SCMH1: variants seen among roughly 807,000 people sequenced by gnomAD.
SCMH1 encodes the protein Scm polycomb group protein homolog 1, also known as polycomb protein SCMH1.
In SCMH1, 37 loss-of-function variants were observed where a neutral mutation model predicts 70.8. That is an observed-to-expected ratio of 0.52 (90% CI 0.40 to 0.69). The LOEUF is 0.69. SCMH1 is among the 30% of genes least tolerant of loss of function. SCMH1 has a pLI of 0.00. For missense variants in SCMH1, 607 were observed against 827.3 expected (o/e 0.73, Z 3.27); for synonymous variants, 292 against 307.4 (o/e 0.95, Z 0.52).
At chr1:41,083,181 A>C (rs1186267820) in intron 8 of SCMH1, among the ~76,000 whole-genome samples, 1 of 152,214 alleles carries the variant, frequency 6.6e-6, no homozygotes, top group Non-Finnish European at 1.5e-5. Flanking sequence ...GAGGAAGTCA[A>C]ATTGTCCCTG....
chr1:41,102,310 G>T (rs1666831332), intron 8 of SCMH1, among the ~76,000 whole-genome samples: 1 of 152,170 alleles, frequency 6.6e-6, no homozygotes, highest in Non-Finnish European at 1.5e-5. Context: ...TGTATCATTG[G>T]CCTTGGTATA....
intron 10 of SCMH1, among the ~76,000 whole-genome samples, chr1:41,054,068 TCTC>T (rs1178487703): frequency 1.3e-5 from 2 of 151,952 alleles, no homozygotes; most frequent in Non-Finnish European, 2.9e-5. Flanking sequence ...ATGGTCTCGA[TCTC>T]CTGACCTCAT....
chr1:41,058,157 G>T (rs1431188614), intron 10 of SCMH1, among the ~76,000 whole-genome samples: 1 of 150,178 alleles, frequency 6.7e-6, no homozygotes, highest in African/African-American at 2.4e-5. Context: ...AAAATGAAAT[G>T]AATGCCTTTC....
chr1:41,084,099 T>C (rs1223550426), intron 8 of SCMH1, among the ~76,000 whole-genome samples: 4 of 152,062 alleles, frequency 2.6e-5, no homozygotes, highest in African/African-American at 4.8e-5. Flanking sequence ...CCAAAAGCAA[T>C]GGCAACAAAA....
At chr1:41,172,639 C>CA (rs1646863702) in intron 2 of SCMH1, among the ~76,000 whole-genome samples, 1 of 151,578 alleles carries the variant, frequency 6.6e-6, no homozygotes, top group Admixed American at 6.6e-5. Flanking sequence ...CAAACCTGAG[C>CA]AAAAAAGAAC....
Position 41,178,334 on chromosome 1 carries a change from C to T in SCMH1, c.13+7787G>A, listed in dbSNP as rs200179316. 9.4e-4 allele frequency among the ~76,000 whole-genome samples: 143 copies of T among 152,228 alleles called. 1 individual carries two copies. In the East Asian group the frequency reaches 0.016, roughly 17 times the overall value. On this transcript the variant is annotated intron_variant, in intron 2 of 14. Coordinates refer to ENST00000337495, the Ensembl canonical transcript of SCMH1. Reference sequence around the variant, plus strand: ...GCTAGGAAGAAACTGCATCAACTAACGAGCAAAATAACCAGCTAACATCAT... The same window carrying T: ...GCTAGGAAGAAACTGCATCAACTAATGAGCAAAATAACCAGCTAACATCAT...
chr1:41,092,822 G>C (rs1426381887), intron 8 of SCMH1, among the ~76,000 whole-genome samples: 1 of 152,106 alleles, frequency 6.6e-6, no homozygotes, highest in Non-Finnish European at 1.5e-5. Context: ...ACCACAATGA[G>C]ATACCATCTC....
At chr1:41,186,740 C>T (rs927317255) in intron 1 of SCMH1, among the ~76,000 whole-genome samples, 1 of 152,114 alleles carries the variant, frequency 6.6e-6, no homozygotes, top group Non-Finnish European at 1.5e-5. Context: ...AAGGATGAGA[C>T]ATGAGAGATA....
chr1:41,173,625 G>A (rs1236265516), intron 2 of SCMH1, among the ~76,000 whole-genome samples: 1 of 152,098 alleles, frequency 6.6e-6, no homozygotes, highest in East Asian at 1.9e-4. Flanking sequence ...TATATCCATA[G>A]GAAAGGAAAT....
chr1:41,147,388 T>C (rs1343472716), intron 5 of SCMH1, among the ~76,000 whole-genome samples: 1 of 152,210 alleles, frequency 6.6e-6, no homozygotes, highest in Non-Finnish European at 1.5e-5. Flanking sequence ...TGTAGACTAT[T>C]AATAAATGCC....
At chr1:41,167,948 T>C (rs1646523793) in intron 2 of SCMH1, among the ~76,000 whole-genome samples, 1 of 149,292 alleles carries the variant, frequency 6.7e-6, no homozygotes, top group Non-Finnish European at 1.5e-5. Context: ...GTTTTGAATG[T>C]ATCATCCTAC....
In SCMH1 at chr1:41,168,128, T is replaced by C. The variant is rs1036866146; in HGVS notation, c.14-6696A>G. 4.0e-5 allele frequency among the ~76,000 whole-genome samples: 6 copies of C among 151,588 alleles called. No individual in the cohort carries two copies. In the East Asian group the frequency reaches 5.8e-4, roughly 15 times the overall value. ...TTTTCGGGTTCATCTTATTTGGTGT[T>C]CTTTGGGCTTCCTGGATTTGGCTTT... is the stretch of plus-strand genomic sequence containing the variant. On this transcript the variant is annotated intron_variant, in intron 2 of 14. Transcript: ENST00000337495.
At chr1:41,178,998 C>T (rs1051378359) in intron 2 of SCMH1, among the ~76,000 whole-genome samples, 17 of 152,310 alleles carry the variant, frequency 1.1e-4, no homozygotes, top group African/African-American at 3.6e-4. Flanking sequence ...AAGCACTCCT[C>T]AGCAAATGTA....
At chr1:41,035,801 T>C (rs796234293) in intron 13 of SCMH1, among the ~76,000 whole-genome samples, 17 of 152,256 alleles carry the variant, frequency 1.1e-4, no homozygotes, top group African/African-American at 3.8e-4. Flanking sequence ...CAGCCTTTTT[T>C]TTCTCATCAA....
At chr1:41,135,587 A>AT (rs774055068) in intron 6 of SCMH1, among the ~76,000 whole-genome samples, 8 of 152,202 alleles carry the variant, frequency 5.3e-5, no homozygotes, top group Non-Finnish European at 1.2e-4. Flanking sequence ...CTGTGAGTCA[A>AT]TTAAACCTCT....
At chr1:41,138,352 G>A (rs1643688351) in intron 6 of SCMH1, among the ~76,000 whole-genome samples, 1 of 152,082 alleles carries the variant, frequency 6.6e-6, no homozygotes, top group Non-Finnish European at 1.5e-5. Flanking sequence ...TCTTATTTAA[G>A]TGTTAATTCT....
rs573213459 is a variant in SCMH1, at chr1:41,230,210, G to A, written c.-118+11849C>T. Among the ~76,000 whole-genome samples the A allele has an allele frequency of 4.6e-5, 7 of 152,178 alleles. No individual in the cohort carries two copies. The South Asian group carries it at 1.2e-3, about 27-fold the overall frequency. ...GGATAGGGTACAAAAGTAGACACAC[G>A]AAAGCCATATAGGGGGTTGATATAA... is the stretch of plus-strand genomic sequence containing the variant. On this transcript the variant is annotated intron_variant, in intron 1 of 14. Transcript: ENST00000337495.
At position 41,046,398 on chromosome 1, in the gene SCMH1, AG is replaced by A. The variant is rs755760350; in HGVS notation, c.1498+8del. 32 of 1,612,902 alleles carry A rather than the reference AG, an allele frequency of 2.0e-5. 1 individual carries two copies. In the South Asian group the frequency reaches 3.0e-4, roughly 15 times the overall value. ...CCACTCTCAGCCCAGGCCCCATCCC[AG>A]CTCCTACCTGGTAGGTACCTGTCGT... On this transcript the variant is annotated splice_region_variant and intron_variant, in intron 12 of 14. Transcript: ENST00000337495.
At chr1:41,072,915 T>TGGAA (rs2148890033) in intron 9 of SCMH1, among the ~76,000 whole-genome samples, 1 of 152,116 alleles carries the variant, frequency 6.6e-6, no homozygotes, top group South Asian at 2.1e-4. Context: ...ACAGGTGAAG[T>TGGAA]GGAAGGCATA....
Sources: gnomAD v4.1 joint callset for allele counts (sites outside exome capture counted in the v4.1 genomes callset) on GRCh38, gnomAD v4.1.1 for gene constraint, MANE v1.5 for transcripts, NCBI Gene and HGNC (gene_info 2026-07-23, HGNC 2026-07-21) for gene names.